LRP6: variants seen among roughly 807,000 people sequenced by gnomAD.
LRP6 encodes the protein LDL receptor related protein 6, also known as low-density lipoprotein receptor-related protein 6.
In LRP6, 43 loss-of-function variants were observed where a neutral mutation model predicts 184.1. That is an observed-to-expected ratio of 0.23 (90% CI 0.18 to 0.30). The LOEUF (loss-of-function observed/expected upper bound fraction) is 0.30, where lower values mean the gene tolerates loss of function less well. Among genes scored for constraint, LRP6 ranks in the 10% least tolerant of loss-of-function variants. The probability of loss-of-function intolerance (pLI) is 1.00; values close to 1 mark genes in which losing one functional copy is unlikely to be tolerated. For synonymous variants in LRP6, 719 were observed against 684.9 expected (o/e 1.05, Z -0.78); for missense variants, 1,571 against 2,005.3 (o/e 0.78, Z 4.14).
intron 5 of LRP6, among the ~76,000 whole-genome samples, chr12:12,183,328 T>C (rs1044132596): frequency 2.0e-5 from 3 of 152,154 alleles, no homozygotes; most frequent in African/African-American, 7.2e-5. Context: ...ACATTCTCAT[T>C]AAGAAGAAAA....
At chr12:12,252,013 C>T (rs562427644) in intron 1 of LRP6, among the ~76,000 whole-genome samples, 39 of 152,238 alleles carry the variant, frequency 2.6e-4, no homozygotes, top group African/African-American at 9.4e-4. Context: ...CCTGCCTCAG[C>T]CTCCTGAGGA....
intron 1 of LRP6, among the ~76,000 whole-genome samples, chr12:12,259,561 T>C (rs1371205545): frequency 6.6e-6 from 1 of 152,110 alleles, no homozygotes; most frequent in African/African-American, 2.4e-5. Flanking sequence ...ATTTTAAAAG[T>C]TTCTAGCCTC....
At position 12,121,168 on chromosome 12, in the gene LRP6, G is replaced by A. The variant is rs138902458; in HGVS notation, c.4800C>T (p.His1600=). The A allele has an allele frequency of 2.9e-5, 46 of 1,613,878 alleles. 1 individual carries two copies. In the South Asian group the frequency reaches 4.8e-4, roughly 17 times the overall value. Residue 1600 remains histidine, a synonymous_variant, in exon 23 of 23, where the codon CAC becomes CAT. Coordinates refer to ENST00000261349, the MANE Select transcript of LRP6 (RefSeq NM_002336.3). ...SPYTERSYSH[H]LYPPPPSPCT... ...AGGGAGAGGGTGGCGGTGGGTAGAGGTGATGAGAATAGCTCCTCTCTGTGT... is the reference window on the plus strand; with the variant it reads ...AGGGAGAGGGTGGCGGTGGGTAGAGATGATGAGAATAGCTCCTCTCTGTGT...
chr12:12,161,246 T>C (rs1266251433), intron 10 of LRP6, among the ~76,000 whole-genome samples: 15 of 152,164 alleles, frequency 9.9e-5, no homozygotes, highest in Non-Finnish European at 2.1e-4. Context: ...ACAGTAAACA[T>C]ATTTATATGT....
At chr12:12,218,921 AT>A (rs1864417458) in intron 2 of LRP6, among the ~76,000 whole-genome samples, 1 of 152,242 alleles carries the variant, frequency 6.6e-6, no homozygotes, top group South Asian at 2.1e-4. Context: ...TAGTGGAAAT[AT>A]AAAAATGGTA....
In LRP6 at chr12:12,236,982, G is replaced by T. The variant is rs1401863263; in HGVS notation, c.449+7280C>A. Among the ~76,000 whole-genome samples, 3 of 151,850 alleles carry T rather than the reference G, an allele frequency of 2.0e-5. No homozygotes were observed. In the East Asian group the frequency reaches 5.8e-4, roughly 29 times the overall value. On this transcript the variant is annotated intron_variant, in intron 2 of 22. Transcript: ENST00000261349. ...GCTCTATCTCCAGTCCCTCTCCCCT[G>T]CCCAAGGATGTGAAGTGGAGCTGAA... is the stretch of plus-strand genomic sequence containing the variant.
intron 2 of LRP6, among the ~76,000 whole-genome samples, chr12:12,220,505 G>A (rs1258453676): frequency 6.6e-6 from 1 of 151,988 alleles, no homozygotes; most frequent in Admixed American, 6.6e-5. Flanking sequence ...TCTATGAATA[G>A]CCCAATATCC....
intron 2 of LRP6, among the ~76,000 whole-genome samples, chr12:12,212,261 T>G (rs1027962516): frequency 1.3e-5 from 2 of 152,230 alleles, no homozygotes; most frequent in Non-Finnish European, 2.9e-5. Flanking sequence ...TGCACTCACC[T>G]GCTCGTGAGA....
At chr12:12,185,067 C>A (rs1041605567) in intron 4 of LRP6, among the ~76,000 whole-genome samples, 18 of 151,968 alleles carry the variant, frequency 1.2e-4, no homozygotes, top group Non-Finnish European at 2.1e-4. Context: ...GGCCTAGGTG[C>A]GTGGATCACT....
At chr12:12,205,641 ATAT>A (rs1419165451) in intron 2 of LRP6, among the ~76,000 whole-genome samples, 2 of 152,250 alleles carry the variant, frequency 1.3e-5, no homozygotes, top group African/African-American at 4.8e-5. Flanking sequence ...ACCCTACAAA[ATAT>A]TATTTGTTCA....
intron 14 of LRP6, 34 bp from the exon 15 acceptor site, chr12:12,147,590 G>T: frequency 6.7e-7 from 1 of 1,503,404 alleles, no homozygotes; most frequent in Non-Finnish European, 9.3e-7. Context: ...TAAGTTACTG[G>T]AGTAAGAAAC....
rs957786184 is a variant in LRP6 at position 12,120,582 on chromosome 12, G to C, written c.*544C>G. On this transcript the variant is annotated 3_prime_UTR_variant, in exon 23 of 23. Transcript: ENST00000261349. Reference sequence around the variant, plus strand: ...TCACTAGCACTGTTGGATTCCTAGAGAAAACAAAGCCCTTCGTCCAAGGTT... The same window carrying C: ...TCACTAGCACTGTTGGATTCCTAGACAAAACAAAGCCCTTCGTCCAAGGTT... 1 of 152,452 alleles carries C rather than the reference G, an allele frequency of 6.6e-6. No individual in the cohort carries two copies. The highest frequency in any genetic ancestry group is 1.5e-5 in the Non-Finnish European group (1 of 68,174). 9.4% of individuals were successfully genotyped at this position (152,452 alleles called of 1,614,324 possible). A position where few individuals can be genotyped will look rare whatever the true frequency, so the allele number is the denominator to read the frequency against.
At chr12:12,152,506 C>T (rs371742115) in intron 12 of LRP6, among the ~76,000 whole-genome samples, 7 of 152,004 alleles carry the variant, frequency 4.6e-5, no homozygotes, top group African/African-American at 1.4e-4. Flanking sequence ...AGGCTGGTCT[C>T]GAACTCCTGA....
intron 12 of LRP6, among the ~76,000 whole-genome samples, chr12:12,156,145 T>C (rs1323457958): frequency 6.6e-6 from 1 of 152,084 alleles, no homozygotes; most frequent in African/African-American, 2.4e-5. Context: ...AAAGTACAGA[T>C]AAGGGGCACT....
chr12:12,257,095 A>G (rs1400112307), intron 1 of LRP6, among the ~76,000 whole-genome samples: 5 of 152,172 alleles, frequency 3.3e-5, no homozygotes, highest in Admixed American at 2.0e-4. Context: ...CATGGTTACC[A>G]GAGGCTGAGG....
Position 12,164,559 on chromosome 12 carries a change from G to C in LRP6, c.1766C>G (p.Ser589Cys). ...CCCGTTTTCCTCAGCACAGGGGTTG[G>C]AACCTAAAAGATTAATTATAAAAGG... is the stretch of plus-strand genomic sequence containing the variant. The part of the protein sequence containing the change: ...KATNVHRVIG[S>C]NPCAEENGGC... Residue 589 changes from serine to cysteine, a missense_variant, in exon 9 of 23, where the codon TCC becomes TGC. Coordinates refer to ENST00000261349, the MANE Select transcript of LRP6 (RefSeq NM_002336.3). 6.2e-7 allele frequency: 1 copy of C among 1,613,996 alleles called. No individual in the cohort carries two copies. The highest frequency in any genetic ancestry group is 8.5e-7 in the Non-Finnish European group (1 of 1,179,964).
At chr12:12,165,815 AC>A (rs1228046303) in intron 7 of LRP6, among the ~76,000 whole-genome samples, 17 of 152,162 alleles carry the variant, frequency 1.1e-4, no homozygotes, top group African/African-American at 3.9e-4. Context: ...GTTGTCAGTA[AC>A]AACAAAAAAC....
chr12:12,206,804 T>C (rs1160105620), intron 2 of LRP6, among the ~76,000 whole-genome samples: 1 of 151,102 alleles, frequency 6.6e-6, no homozygotes, highest in African/African-American at 2.4e-5. Flanking sequence ...TGGCTTTGTG[T>C]TTTCAGGAGG....
At chr12:12,150,758 G>C (rs1950070403) in intron 13 of LRP6, 78 bp downstream of exon 13, 1 of 1,451,414 alleles carries the variant, frequency 6.9e-7, no homozygotes, top group Non-Finnish European at 9.7e-7. Flanking sequence ...GCAGAGTCAA[G>C]ACTTAAGTGA....
Sources: allele counts gnomAD v4.1 joint callset (sites outside exome capture counted in the v4.1 genomes callset), GRCh38; gene constraint gnomAD v4.1.1; transcripts MANE v1.5; gene names NCBI Gene and HGNC (gene_info 2026-07-23, HGNC 2026-07-21).